ZNF438: variants seen among roughly 807,000 people sequenced by gnomAD.
ZNF438 encodes zinc finger protein 438.
Under a neutral mutation model 38.0 loss-of-function variants are expected in ZNF438, and 25 were observed. The ratio of observed to expected loss-of-function variants is 0.66; its 90% confidence interval spans 0.48 to 0.92. The LOEUF (loss-of-function observed/expected upper bound fraction) is 0.92. Among genes scored for constraint, ZNF438 ranks in the 40% least tolerant of loss-of-function variants. ZNF438 has a pLI of 0.00. For missense variants in ZNF438, 1,007 were observed against 999.6 expected (o/e 1.01, Z -0.10); for synonymous variants, 372 against 364.1 (o/e 1.02, Z -0.25).
At chr10:31,013,318 C>CA (rs755922273) in intron 1 of ZNF438, among the ~76,000 whole-genome samples, 12,158 of 142,888 alleles carry the variant, frequency 0.085, 518 homozygotes, top group African/African-American at 0.11. Context: ...GACTCCGTCT[C>CA]AAAAAAAAAA....
At chr10:30,988,469 C>T (rs1161888509) in intron 1 of ZNF438, among the ~76,000 whole-genome samples, 1 of 151,786 alleles carries the variant, frequency 6.6e-6, no homozygotes, top group Non-Finnish European at 1.5e-5. Context: ...TCTAATCTCC[C>T]TTATGTAGTA....
chr10:30,881,148 CA>C (rs2039199831), intron 3 of ZNF438, among the ~76,000 whole-genome samples: 1 of 151,942 alleles, frequency 6.6e-6, no homozygotes, highest in South Asian at 2.1e-4. Flanking sequence ...TGCAATAGAG[CA>C]AAAATAAATA....
At chr10:30,953,889 C>A (rs148642461) in intron 1 of ZNF438, among the ~76,000 whole-genome samples, 12,083 of 152,218 alleles carry the variant, frequency 0.079, 577 homozygotes, top group Non-Finnish European at 0.11. Flanking sequence ...CACACCTGTA[C>A]TCCCAACACT....
intron 1 of ZNF438, among the ~76,000 whole-genome samples, chr10:30,991,078 T>C (rs563495772): frequency 2.0e-5 from 3 of 152,308 alleles, no homozygotes; most frequent in East Asian, 1.9e-4. Context: ...TCAGTGGCAT[T>C]TGAGCCATGA....
At chr10:30,848,926 G>A (rs996544893) in exon 5 of ZNF438, 20 of 1,614,080 alleles carry the variant, frequency 1.2e-5, no homozygotes, top group East Asian at 4.5e-5. Flanking sequence ...TTCTGAACAC[G>A]GAGCTGGGCT....
intron 4 of ZNF438, 128 bp downstream of exon 5, chr10:30,876,870 T>C: frequency 6.6e-6 from 4 of 605,992 alleles, no homozygotes; most frequent in Non-Finnish European, 1.0e-5. Flanking sequence ...AGTTTTCATA[T>C]ATAATTATAA....
rs150064238 is a variant in ZNF438, at chr10:30,927,827, G to A, written c.-115+13748C>T. Among the ~76,000 whole-genome samples, 690 of 152,230 alleles carry A rather than the reference G, an allele frequency of 4.5e-3. 4 individuals carry two copies. The highest frequency in any genetic ancestry group is 0.017 in the Middle Eastern group (5 of 294). ...TCATTTGCGAAATGAATAAGAGGAT[G>A]CCTTCCAGTTCTTTAATTCTAACTT... On this transcript the variant is annotated intron_variant, in intron 2 of 5. Coordinates refer to ENST00000413025, the Ensembl canonical transcript of ZNF438.
chr10:30,896,419 CAGAT>C (rs1267294600), intron 3 of ZNF438, among the ~76,000 whole-genome samples: 8 of 151,972 alleles, frequency 5.3e-5, no homozygotes, highest in Admixed American at 3.9e-4. Context: ...TGCCCATTGA[CAGAT>C]AGATGGATCA....
chr10:30,987,331 A>AC (rs2052939571), intron 1 of ZNF438, among the ~76,000 whole-genome samples: 1 of 151,908 alleles, frequency 6.6e-6, no homozygotes, highest in African/African-American at 2.4e-5. Flanking sequence ...AAAAAAAAAA[A>AC]AAAACTAAAA....
chr10:30,882,959 ATGT>A (rs1393558680), intron 3 of ZNF438, among the ~76,000 whole-genome samples: 4 of 152,162 alleles, frequency 2.6e-5, no homozygotes, highest in Non-Finnish European at 4.4e-5. Context: ...CATTTAACAG[ATGT>A]TGTTTGCAGT....
rs888097496 is a variant in ZNF438, at chr10:30,857,539, G to A, written c.38-7172C>T. ...CAAAGTGTTGGGATTACAGGTATGA[G>A]CCACCCCATCTGGCCTAAAATTTCT... On this transcript the variant is annotated intron_variant, in intron 4 of 5. Coordinates refer to ENST00000413025, the Ensembl canonical transcript of ZNF438. 1.5e-5 allele frequency: 9 copies of A among 606,032 alleles called. No individual in the cohort carries two copies. In the East Asian group the frequency reaches 2.9e-4, roughly 19 times the overall value. 37.5% of individuals were successfully genotyped at this position (606,032 alleles called of 1,614,324 possible).
intron 1 of ZNF438, among the ~76,000 whole-genome samples, chr10:30,948,219 G>C (rs989888740): frequency 6.6e-6 from 1 of 152,142 alleles, no homozygotes; most frequent in Non-Finnish European, 1.5e-5. Flanking sequence ...CTAACAAACA[G>C]AAAAGACATC....
At position 30,941,665 on chromosome 10, in the gene ZNF438, T is replaced by C. The variant is rs900204046; in HGVS notation, c.-191-14A>G. On this transcript the variant is annotated splice_polypyrimidine_tract_variant and intron_variant, in intron 1 of 5. Transcript: ENST00000413025. Reference sequence around the variant, plus strand: ...ATTCATTTTTATCTGAAAACAAATGTAGTGGAAATAACAAAATTATAAAGA... The same window carrying C: ...ATTCATTTTTATCTGAAAACAAATGCAGTGGAAATAACAAAATTATAAAGA... 1 of 152,192 alleles carries C rather than the reference T, an allele frequency of 6.6e-6. No homozygotes were observed. The highest frequency in any genetic ancestry group is 2.1e-4 in the South Asian group (1 of 4,832). The allele number at this position is 152,192 out of a possible 1,614,324, so 9.4% of individuals were successfully genotyped here. A position where few individuals can be genotyped will look rare whatever the true frequency, so the allele number is the denominator to read the frequency against.
At chr10:30,953,812 G>C (rs1429333725) in intron 1 of ZNF438, among the ~76,000 whole-genome samples, 1 of 152,130 alleles carries the variant, frequency 6.6e-6, no homozygotes, top group African/African-American at 2.4e-5. Context: ...TTCTTATGCA[G>C]TGGGAAGTTT....
At chr10:30,971,109 A>AT (rs1195933854) in intron 1 of ZNF438, among the ~76,000 whole-genome samples, 1 of 152,238 alleles carries the variant, frequency 6.6e-6, no homozygotes, top group Non-Finnish European at 1.5e-5. Context: ...AAAGAATGCT[A>AT]AACTACTGGC....
chr10:31,030,995 T>TA (rs1198224613), intron 1 of ZNF438, among the ~76,000 whole-genome samples: 1 of 152,232 alleles, frequency 6.6e-6, no homozygotes, highest in Non-Finnish European at 1.5e-5. Flanking sequence ...GGGGGCATTG[T>TA]AATTGCCAAG....
chr10:30,945,063 T>G (rs1248083019), intron 1 of ZNF438, among the ~76,000 whole-genome samples: 1 of 151,808 alleles, frequency 6.6e-6, no homozygotes, highest in Non-Finnish European at 1.5e-5. Flanking sequence ...TTTTTTTTAC[T>G]GATATTCTGC....
chr10:31,020,091 G>A (rs1368249014), intron 1 of ZNF438, among the ~76,000 whole-genome samples: 1 of 152,084 alleles, frequency 6.6e-6, no homozygotes, highest in Non-Finnish European at 1.5e-5. Context: ...ACTATTCACT[G>A]CATGTACACA....
chr10:31,011,737 C>A (rs919616799), intron 1 of ZNF438, among the ~76,000 whole-genome samples: 1 of 152,212 alleles, frequency 6.6e-6, no homozygotes, highest in Non-Finnish European at 1.5e-5. Context: ...TGTCCTTCTA[C>A]CTCTCTGGAT....
Sources: gnomAD v4.1 joint callset for allele counts (sites outside exome capture counted in the v4.1 genomes callset) on GRCh38, gnomAD v4.1.1 for gene constraint, MANE v1.5 for transcripts, NCBI Gene and HGNC (gene_info 2026-07-23, HGNC 2026-07-21) for gene names.